Variants in TRPC4 observed in about 807,000 individuals in gnomAD.
The protein encoded by TRPC4 is transient receptor potential cation channel subfamily C member 4, also known as short transient receptor potential channel 4.
In TRPC4, 49 loss-of-function variants were observed where a neutral mutation model predicts 99.4. The ratio of observed to expected loss-of-function variants is 0.49; its 90% CI spans 0.39 to 0.63. The LOEUF (loss-of-function observed/expected upper bound fraction) is 0.63. Ranked by LOEUF, TRPC4 falls within the 20% of genes least tolerant of loss-of-function variation. The pLI is 0.00. For synonymous variants in TRPC4, 454 were observed against 425.9 expected (o/e 1.07, Z -0.81); for missense variants, 898 against 1,152.9 (o/e 0.78, Z 3.20).
At chr13:37,660,608 A>G (rs1030285550) in intron 6 of TRPC4, among the ~76,000 whole-genome samples, 1 of 152,200 alleles carries the variant, frequency 6.6e-6, no homozygotes, top group Admixed American at 6.5e-5. Context: ...ATGAAACCTT[A>G]TGAGAGATAT....
chr13:37,673,468 TTA>T (rs1212487869), intron 5 of TRPC4, among the ~76,000 whole-genome samples: 1 of 10,806 alleles, frequency 9.3e-5, no homozygotes, highest in South Asian at 0.01. Flanking sequence ...TAGATATTCT[TTA>T]TTTTTTTTTT....
At chr13:37,702,180 C>CT (rs955339386) in intron 3 of TRPC4, among the ~76,000 whole-genome samples, 1 of 152,168 alleles carries the variant, frequency 6.6e-6, no homozygotes, top group African/African-American at 2.4e-5. Context: ...CATCTTCTCT[C>CT]TTTTTATAAG....
chr13:37,828,012 T>G (rs895155660), intron 1 of TRPC4, among the ~76,000 whole-genome samples: 1 of 152,186 alleles, frequency 6.6e-6, no homozygotes, highest in Non-Finnish European at 1.5e-5. Flanking sequence ...AGTGCAGTAC[T>G]CGGGTGGGAG....
chr13:37,693,945 G>A (rs1953822071), intron 3 of TRPC4, among the ~76,000 whole-genome samples: 1 of 152,080 alleles, frequency 6.6e-6, no homozygotes, highest in South Asian at 2.1e-4. Context: ...GAAATTTCAA[G>A]CTCCATGAAC....
intron 8 of TRPC4, among the ~76,000 whole-genome samples, chr13:37,645,574 T>G (rs17056376): frequency 0.021 from 3,187 of 152,304 alleles, 112 homozygotes; most frequent in African/African-American, 0.074. Flanking sequence ...TTGAATTCCT[T>G]AAGCCATGCA....
At chr13:37,775,843 G>A (rs866500175) in intron 2 of TRPC4, among the ~76,000 whole-genome samples, 3 of 151,304 alleles carry the variant, frequency 2.0e-5, no homozygotes, top group Non-Finnish European at 3.0e-5. Context: ...TCACTCCTGT[G>A]TGTTCCAAAT....
At chr13:37,811,071 A>T (rs1024649422) in intron 1 of TRPC4, among the ~76,000 whole-genome samples, 3 of 152,108 alleles carry the variant, frequency 2.0e-5, no homozygotes, top group African/African-American at 7.2e-5. Flanking sequence ...TCCTATATCT[A>T]TTCTACTTAC....
At chr13:37,689,958 A>AT (rs1261716256) in intron 4 of TRPC4, among the ~76,000 whole-genome samples, 2 of 152,104 alleles carry the variant, frequency 1.3e-5, no homozygotes, top group Non-Finnish European at 2.9e-5. Context: ...TATTTGACAC[A>AT]TTTTCATTGA....
At chr13:37,664,584 A>G (rs572165014) in intron 5 of TRPC4, among the ~76,000 whole-genome samples, 10 of 151,842 alleles carry the variant, frequency 6.6e-5, no homozygotes, top group Non-Finnish European at 1.0e-4. Flanking sequence ...CAAAAGAAAA[A>G]AAAAGGGTCA....
At chr13:37,666,532 GT>G (rs1485011602) in intron 5 of TRPC4, among the ~76,000 whole-genome samples, 2 of 152,168 alleles carry the variant, frequency 1.3e-5, no homozygotes, top group East Asian at 3.9e-4. Flanking sequence ...ATTTTCTTAA[GT>G]TTTTAACTAT....
Position 37,789,190 on chromosome 13 carries a change from C to T in TRPC4, c.-27-5830G>A, listed in dbSNP as rs577108860. On this transcript the variant is annotated intron_variant, in intron 1 of 10. Coordinates refer to ENST00000379705, the MANE Select transcript of TRPC4 (RefSeq NM_016179.4). ...GAATACTGATTACTCCATGATCTGG[C>T]TTCCAAGACTGTCCCAGGCAAGTTT... is the stretch of plus-strand genomic sequence containing the variant. 2.1e-3 allele frequency among the ~76,000 whole-genome samples: 314 copies of T among 152,238 alleles called. 4 individuals are homozygous for T. Among genetic ancestry groups the T allele is most frequent in the South Asian group, 9.3e-3 (45 of 4,824 alleles).
In TRPC4 at chr13:37,751,326, A is replaced by G. The variant is rs374017124; in HGVS notation, c.379-4871T>C. 5.8e-4 allele frequency among the ~76,000 whole-genome samples: 88 copies of G among 152,200 alleles called. 1 individual carries two copies. Among genetic ancestry groups the G allele is most frequent in the African/African-American group, 2.0e-3 (84 of 41,552 alleles). On this transcript the variant is annotated intron_variant, in intron 2 of 10. Transcript: ENST00000379705. ...GCTTCTTTTGCTTTTACTTTCGAAG[A>G]TGCTATTCAAAATATACACAAATGT...
chr13:37,664,964 A>T (rs1952588423), intron 5 of TRPC4, among the ~76,000 whole-genome samples: 1 of 152,206 alleles, frequency 6.6e-6, no homozygotes, highest in Non-Finnish European at 1.5e-5. Context: ...AACTAGAAGA[A>T]AATTATTTTC....
chr13:37,696,837 T>A (rs1953918371), intron 3 of TRPC4, among the ~76,000 whole-genome samples: 1 of 152,120 alleles, frequency 6.6e-6, no homozygotes, highest in Non-Finnish European at 1.5e-5. Context: ...ACTCATTTTA[T>A]AATGTCGATA....
At chr13:37,730,311 T>C (rs919399163) in intron 3 of TRPC4, among the ~76,000 whole-genome samples, 1 of 152,050 alleles carries the variant, frequency 6.6e-6, no homozygotes, top group Admixed American at 6.6e-5. Context: ...CTTTTATATA[T>C]GATAAGTATC....
intron 5 of TRPC4, among the ~76,000 whole-genome samples, chr13:37,672,989 A>T (rs562774020): frequency 1.1e-3 from 161 of 152,138 alleles, no homozygotes; most frequent in Non-Finnish European, 2.1e-3. Context: ...GTACATGTGC[A>T]CAACGTGCAG....
chr13:37,747,134 A>G (rs1566140542), intron 2 of TRPC4, among the ~76,000 whole-genome samples: 2 of 152,132 alleles, frequency 1.3e-5, no homozygotes, highest in Non-Finnish European at 2.9e-5. Context: ...TGTGAATTCC[A>G]CTGAATCAGG....
At chr13:37,732,993 C>A (rs1162035305) in intron 3 of TRPC4, among the ~76,000 whole-genome samples, 2 of 152,090 alleles carry the variant, frequency 1.3e-5, no homozygotes, top group East Asian at 3.9e-4. Context: ...AAACAAAATG[C>A]CCAAATAATC....
chr13:37,777,964 T>C (rs1956752302), intron 2 of TRPC4, among the ~76,000 whole-genome samples: 1 of 152,010 alleles, frequency 6.6e-6, no homozygotes, highest in Non-Finnish European at 1.5e-5. Flanking sequence ...CTAATGACTT[T>C]GTTATTTCTT....
Sources: allele counts gnomAD v4.1 joint callset (sites outside exome capture counted in the v4.1 genomes callset), GRCh38; gene constraint gnomAD v4.1.1; transcripts MANE v1.5; gene names NCBI Gene and HGNC (gene_info 2026-07-23, HGNC 2026-07-21).